The following CCT2 variants were observed in gnomAD, a reference collection of about 807,000 sequenced individuals.
CCT2 encodes chaperonin containing TCP1 subunit 2.
In CCT2, 18 loss-of-function variants were observed where a neutral mutation model predicts 61.8. The observed-to-expected ratio is 0.29, with a 90% CI of 0.20 to 0.43. CCT2 has a LOEUF of 0.43. Among genes scored for constraint, CCT2 ranks in the 20% least tolerant of loss-of-function variants. The pLI, the probability that CCT2 is intolerant of heterozygous loss-of-function variation, is 1.00. For synonymous variants in CCT2, 248 were observed against 215.9 expected (o/e 1.15, Z -1.30); for missense variants, 556 against 656.9 (o/e 0.85, Z 1.68).
chr12:69,586,818 G>A lies in CCT2; in HGVS notation c.144G>A (p.Met48Ile). ...LVKSTLGPKG[M>I]DKILLSSGRD... ...AGAGCACCTTGGGACCCAAAGGCATGGTAAGAAAAATAGAAAAGTTTTATA... is the reference window on the plus strand; with the variant it reads ...AGAGCACCTTGGGACCCAAAGGCATAGTAAGAAAAATAGAAAAGTTTTATA... Residue 48 changes from methionine to isoleucine, a missense_variant and splice_region_variant, in exon 3 of 16, where the codon ATG becomes ATA. Physicochemically the swap from Met to Ile is conservative, Grantham distance 10 (BLOSUM62 1). This residue lies in a region of CCT2 where 308 missense variants were observed against 350.6 expected (regional missense o/e 0.88). Coordinates refer to ENST00000299300, the MANE Select transcript of CCT2 (RefSeq NM_006431.3). 1.3e-6 allele frequency: 2 copies of A among 1,570,140 alleles called. No individual in the cohort carries two copies. Among genetic ancestry groups the A allele is most frequent in the South Asian group, 1.2e-5 (1 of 84,246 alleles).
At chr12:69,587,115 A>G (rs1881688134) in intron 3 of CCT2, 1 of 333,048 alleles carries the variant, frequency 3.0e-6, no homozygotes, top group Admixed American at 4.5e-5. Flanking sequence ...TTTATAAAAC[A>G]GATACTATTT....
chr12:69,588,604 T>A (rs1456229676), intron 6 of CCT2, among the ~76,000 whole-genome samples: 1 of 152,234 alleles, frequency 6.6e-6, no homozygotes, highest in African/African-American at 2.4e-5. Flanking sequence ...ATTTGAATAT[T>A]TGGCTAGAAT....
intron 10 of CCT2, among the ~76,000 whole-genome samples, chr12:69,595,334 A>G (rs187862408): frequency 6.6e-6 from 1 of 152,320 alleles, no homozygotes; most frequent in Admixed American, 6.5e-5. Flanking sequence ...CTTTAAGGTG[A>G]CAAATAAACA....
At position 69,586,796 on chromosome 12, in the gene CCT2, G is replaced by C. The variant is rs1478774811; in HGVS notation, c.122G>C (p.Ser41Thr). The C allele has an allele frequency of 4.4e-6, 7 of 1,600,006 alleles. No individual in the cohort carries two copies. Among genetic ancestry groups the C allele is most frequent in the Non-Finnish European group, 5.1e-6 (6 of 1,174,428 alleles). ...ATCGCCATTGGAGACTTGGTAAAGAGCACCTTGGGACCCAAAGGCATGGTA... is the reference window on the plus strand; with the variant it reads ...ATCGCCATTGGAGACTTGGTAAAGACCACCTTGGGACCCAAAGGCATGGTA... Reference protein sequence around the residue: ...GAIAIGDLVKSTLGPKGMDKI... With the variant: ...GAIAIGDLVKTTLGPKGMDKI... The change falls in exon 3 of 16, where the codon AGC becomes ACC. Residue 41 changes from serine (S) to threonine (T), a missense_variant. Around this residue, in one of 3 missense-constraint regions of CCT2, gnomAD observed 308 missense variants for 350.6 expected, o/e 0.88. Transcript: ENST00000299300.
At position 69,593,490 on chromosome 12, in the gene CCT2, T is replaced by C. The variant is rs766860904; in HGVS notation, c.879-20T>C. 3.4e-6 allele frequency: 5 copies of C among 1,465,034 alleles called. No individual in the cohort carries two copies. In the Admixed American group the frequency reaches 8.6e-5, roughly 25 times the overall value. The allele number at this position is 1,465,034 out of a possible 1,614,324, so 90.8% of individuals were successfully genotyped here. A position where few individuals can be genotyped will look rare whatever the true frequency, so the allele number is the denominator to read the frequency against. Reference sequence around the variant, plus strand: ...TTGTAACAGTTGTGAGCATAATGTTTTCATGTATTTTATTTACAGGCAATT... The same window carrying C: ...TTGTAACAGTTGTGAGCATAATGTTCTCATGTATTTTATTTACAGGCAATT... On this transcript the variant is annotated intron_variant, in intron 9 of 15. Coordinates refer to ENST00000299300, the MANE Select transcript of CCT2 (RefSeq NM_006431.3).
chr12:69,596,013 A>G (rs1401214228), intron 10 of CCT2, among the ~76,000 whole-genome samples: 5 of 152,226 alleles, frequency 3.3e-5, no homozygotes, highest in Non-Finnish European at 5.9e-5. Flanking sequence ...TTGTGCTATG[A>G]TGGTGCCTGG....
chr12:69,597,943 A>G, intron 12 of CCT2, 25 bp from the exon 13 acceptor site: 1 of 1,584,802 alleles, frequency 6.3e-7, no homozygotes, highest in South Asian at 1.1e-5. Context: ...GCATTGCAAT[A>G]TTTTATTGGA....
In CCT2 at chr12:69,594,067, A is replaced by G. The variant is rs182114619; in HGVS notation, c.982+454A>G. On this transcript the variant is annotated intron_variant, in intron 10 of 15. Transcript: ENST00000299300. Reference sequence around the variant, plus strand: ...GGGAAGAGAATCGCTTGAGCCTGGGAGGCAGAGGTTGCAGTCAGCGGAGAT... The same window carrying G: ...GGGAAGAGAATCGCTTGAGCCTGGGGGGCAGAGGTTGCAGTCAGCGGAGAT... 4.3e-3 allele frequency among the ~76,000 whole-genome samples: 657 copies of G among 151,918 alleles called. 4 individuals carry two copies. Among genetic ancestry groups the G allele is most frequent in the African/African-American group, 0.014 (585 of 41,438 alleles).
intron 10 of CCT2, among the ~76,000 whole-genome samples, chr12:69,596,246 G>A (rs201379737): frequency 9.8e-6 from 1 of 102,128 alleles, no homozygotes; most frequent in African/African-American, 3.0e-5. Flanking sequence ...TACAAATTAT[G>A]AGTATAAATT....
chr12:69,587,627 A>G lies in CCT2; in HGVS notation c.256+11A>G, dbSNP rs756827568. The G allele has an allele frequency of 6.6e-7, 1 of 1,510,286 alleles. No individual in the cohort carries two copies. The highest frequency in any genetic ancestry group is 9.2e-7 in the Non-Finnish European group (1 of 1,086,088). The allele number at this position is 1,510,286 out of a possible 1,614,324, so 93.6% of individuals were successfully genotyped here. On this transcript the variant is annotated intron_variant, in intron 4 of 15. Transcript: ENST00000299300. ...CTAAAGTTTTAGTTGGTAAGTCTGA[A>G]TATACTTTTTCACCAACCTAATAAT... is the stretch of plus-strand genomic sequence containing the variant.
intron 11 of CCT2, 70 bp from the exon 12 acceptor site, chr12:69,597,567 AC>A: frequency 6.7e-7 from 1 of 1,501,690 alleles, no homozygotes; most frequent in South Asian, 1.2e-5. Flanking sequence ...CAGTAATATA[AC>A]CAACACCGGC....
chr12:69,597,797 T>C, intron 12 of CCT2, 31 bp downstream of exon 12: 1 of 1,580,126 alleles, frequency 6.3e-7, no homozygotes, highest in South Asian at 1.1e-5. Flanking sequence ...GAATATATTT[T>C]TAATTTCTTA....
chr12:69,593,595 C>T lies in CCT2; in HGVS notation c.964C>T (p.Arg322Cys), dbSNP rs781508198. Residue 322 changes from arginine (R) to cysteine (C), a missense_variant, in exon 10 of 16, where the codon CGC becomes TGC. Transcript: ENST00000299300. ...IEHADFAGVE[R>C]LALVTGGEIA... ...GCATGCAGATTTTGCAGGTGTGGAA[C>T]GCCTAGCTCTTGTCACAGGTATGGA... is the stretch of plus-strand genomic sequence containing the variant. 5.0e-5 allele frequency: 81 copies of T among 1,607,868 alleles called. No individual in the cohort carries two copies. In the Admixed American group the frequency reaches 7.0e-4, roughly 14 times the overall value.
intron 6 of CCT2, 180 bp from the exon 7 acceptor site, chr12:69,589,305 G>C (rs1881765021): frequency 1.7e-6 from 1 of 591,256 alleles, no homozygotes; most frequent in Non-Finnish European, 3.0e-6. Context: ...CATTTTGCCA[G>C]TTTGGTGGGG....
rs371853509 is a variant in CCT2, at chr12:69,589,676, A to G, written c.638A>G (p.Tyr213Cys). Residue 213 changes from tyrosine (Y) to cysteine (C), a missense_variant, in exon 7 of 16, where the codon TAT (tyrosine) becomes TGT (cysteine). Transcript: ENST00000299300. ...CTAGGAGGAAGTTTGGCAGATTCCT[A>G]TTTAGATGAAGGTATGTATGAATGT... ...KKLGGSLADS[Y>C]LDEGFLLDKK... 1.2e-5 allele frequency: 20 copies of G among 1,611,402 alleles called. No individual in the cohort carries two copies. In the Admixed American group the frequency reaches 1.3e-4, roughly 11 times the overall value.
chr12:69,596,970 G>C (rs1392378605), intron 10 of CCT2, among the ~76,000 whole-genome samples, 186 bp from the exon 11 acceptor site: 4 of 152,086 alleles, frequency 2.6e-5, no homozygotes, highest in Non-Finnish European at 5.9e-5. Context: ...TATCCAAGAG[G>C]ATTATTTTAA....
In CCT2 at chr12:69,599,851, TTTTC is replaced by T; in HGVS notation, c.1436-8_1436-5del. 1 of 1,593,604 alleles carries T rather than the reference TTTTC, an allele frequency of 6.3e-7. No individual in the cohort carries two copies. Among genetic ancestry groups the T allele is most frequent in the Non-Finnish European group, 8.5e-7 (1 of 1,172,346 alleles). ...TAAAACTGCTTTTTAGTAAATTTGTTTTTCTTTGCAGATATGAGGGAAGGCACCA... is the reference window on the plus strand; with the variant it reads ...TAAAACTGCTTTTTAGTAAATTTGTTTTTGCAGATATGAGGGAAGGCACCA... On this transcript the variant is annotated splice_polypyrimidine_tract_variant and splice_region_variant and intron_variant, in intron 14 of 15. Transcript: ENST00000299300.
chr12:69,594,062 C>CTGGGAGGCAGAGG (rs1881915460), intron 10 of CCT2, among the ~76,000 whole-genome samples: 2 of 151,812 alleles, frequency 1.3e-5, no homozygotes, highest in Admixed American at 6.6e-5. Context: ...TCGCTTGAGC[C>CTGGGAGGCAGAGG]TGGGAGGCAG....
In CCT2 at chr12:69,587,524, G is replaced by A. The variant is rs761649987; in HGVS notation, c.164G>A (p.Ser55Asn). ...PKGMDKILLS[S>N]GRDASLMVTN... The stretch of plus-strand genomic sequence containing the variant: ...CTTTAGGACAAAATTCTTCTAAGCA[G>A]TGGACGAGATGCCTCTCTTATGGTA... Residue 55 changes from serine to asparagine, a missense_variant, in exon 4 of 16, where the codon AGT (serine) becomes AAT (asparagine). This residue lies in a region of CCT2 where 308 missense variants were observed against 350.6 expected (regional missense o/e 0.88). Coordinates refer to ENST00000299300, the MANE Select transcript of CCT2 (RefSeq NM_006431.3). The A allele has an allele frequency of 6.8e-6, 11 of 1,611,480 alleles. 1 individual carries two copies. The highest frequency in any genetic ancestry group is 9.3e-6 in the Non-Finnish European group (11 of 1,177,632).
Sources: gnomAD v4.1 joint callset for allele counts (sites outside exome capture counted in the v4.1 genomes callset) on GRCh38, gnomAD v4.1.1 for gene constraint, gnomAD v4.1.1 regional missense constraint, MANE v1.5 for transcripts, NCBI Gene and HGNC (gene_info 2026-07-23, HGNC 2026-07-21) for gene names.